ADAMTSL3: variants seen among roughly 807,000 people sequenced by gnomAD.
The protein encoded by ADAMTSL3 is ADAMTS like 3, also known as ADAMTS-like protein 3.
In ADAMTSL3, 128 loss-of-function variants were observed where a neutral mutation model predicts 201.7. That is an observed-to-expected ratio of 0.63 (90% CI 0.55 to 0.73). The LOEUF is 0.73. ADAMTSL3 is among the 30% of genes least tolerant of loss of function. The pLI, the probability that ADAMTSL3 is intolerant of heterozygous loss-of-function variation, is 0.00. For synonymous variants in ADAMTSL3, 738 were observed against 748.4 expected (o/e 0.99, Z 0.23); for missense variants, 1,990 against 2,119.6 (o/e 0.94, Z 1.20).
At chr15:83,956,027 A>G (rs955736379) in intron 19 of ADAMTSL3, among the ~76,000 whole-genome samples, 1 of 152,056 alleles carries the variant, frequency 6.6e-6, no homozygotes, top group Non-Finnish European at 1.5e-5. Flanking sequence ...CTGCCTTTCA[A>G]GTTCACTTAG....
At chr15:83,807,477 T>G (rs1019826808) in intron 5 of ADAMTSL3, among the ~76,000 whole-genome samples, 1 of 151,908 alleles carries the variant, frequency 6.6e-6, no homozygotes, top group African/African-American at 2.4e-5. Context: ...ATCAAAACAG[T>G]AATGAAATAA....
intron 3 of ADAMTSL3, among the ~76,000 whole-genome samples, chr15:83,761,169 AT>A (rs2062803088): frequency 6.6e-6 from 1 of 152,098 alleles, no homozygotes; most frequent in Non-Finnish European, 1.5e-5. Flanking sequence ...TAAAACATCT[AT>A]CCTTGACTTA....
chr15:83,723,337 A>G (rs2062127937), intron 3 of ADAMTSL3, among the ~76,000 whole-genome samples: 1 of 152,204 alleles, frequency 6.6e-6, no homozygotes, highest in African/African-American at 2.4e-5. Flanking sequence ...TCAAGTTTAT[A>G]TTGTGCTGTT....
At chr15:83,847,407 G>T (rs945495113) in intron 7 of ADAMTSL3, among the ~76,000 whole-genome samples, 1 of 151,638 alleles carries the variant, frequency 6.6e-6, no homozygotes, top group African/African-American at 2.4e-5. Context: ...TGCTCCTACA[G>T]AATGACAGAT....
intron 23 of ADAMTSL3, among the ~76,000 whole-genome samples, chr15:83,995,782 A>G (rs765593876): frequency 5.3e-4 from 81 of 152,164 alleles, no homozygotes; most frequent in African/African-American, 1.7e-4. Flanking sequence ...AACTGATCCT[A>G]TAATTAATAT....
chr15:83,917,250 C>G (rs1212362315), intron 16 of ADAMTSL3, among the ~76,000 whole-genome samples: 7 of 152,206 alleles, frequency 4.6e-5, no homozygotes, highest in Non-Finnish European at 8.8e-5. Context: ...ATTTTCTAAC[C>G]TATCTTCACA....
chr15:83,766,742 A>G (rs1429468730), intron 3 of ADAMTSL3, among the ~76,000 whole-genome samples: 2 of 152,214 alleles, frequency 1.3e-5, no homozygotes, highest in Non-Finnish European at 2.9e-5. Context: ...TAAGAAGAAA[A>G]TAACTTTTAT....
chr15:83,735,896 T>A (rs1365069891), intron 3 of ADAMTSL3, among the ~76,000 whole-genome samples: 1 of 152,078 alleles, frequency 6.6e-6, no homozygotes, highest in Non-Finnish European at 1.5e-5. Context: ...GCTACTTGAA[T>A]CTAATTACAT....
chr15:83,990,576 GACCTTCT>G (rs1567286656), intron 22 of ADAMTSL3, among the ~76,000 whole-genome samples: 2 of 152,054 alleles, frequency 1.3e-5, no homozygotes, highest in Non-Finnish European at 2.9e-5. Flanking sequence ...AATGGATCAG[GACCTTCT>G]GTCCTGTCTT....
At chr15:83,989,433 G>C (rs983360604) in intron 22 of ADAMTSL3, among the ~76,000 whole-genome samples, 8 of 152,216 alleles carry the variant, frequency 5.3e-5, no homozygotes, top group African/African-American at 1.9e-4. Context: ...GAAATAATGA[G>C]ATGGAGTTTA....
chr15:83,902,082 A>G (rs2065736083), intron 15 of ADAMTSL3, among the ~76,000 whole-genome samples: 1 of 152,134 alleles, frequency 6.6e-6, no homozygotes, highest in Non-Finnish European at 1.5e-5. Context: ...TGTGCCGACT[A>G]TATTTACTAA....
At chr15:83,989,687 T>C (rs1170907483) in intron 22 of ADAMTSL3, among the ~76,000 whole-genome samples, 2 of 152,208 alleles carry the variant, frequency 1.3e-5, no homozygotes, top group Non-Finnish European at 2.9e-5. Flanking sequence ...AGTACTGCCA[T>C]TGTCCAGCTC....
intron 13 of ADAMTSL3, among the ~76,000 whole-genome samples, chr15:83,895,100 G>A (rs2065585672): frequency 1.3e-5 from 2 of 152,156 alleles, no homozygotes; most frequent in Admixed American, 1.3e-4. Flanking sequence ...AGACCGGGAT[G>A]GAAGGATTTT....
At chr15:83,823,040 C>G (rs892060946) in intron 6 of ADAMTSL3, among the ~76,000 whole-genome samples, 1 of 151,828 alleles carries the variant, frequency 6.6e-6, no homozygotes, top group African/African-American at 2.4e-5. Context: ...CAAAAAAATA[C>G]GAAAACCAGT....
At chr15:83,751,108 A>G (rs2062630378) in intron 3 of ADAMTSL3, among the ~76,000 whole-genome samples, 1 of 152,192 alleles carries the variant, frequency 6.6e-6, no homozygotes, top group Non-Finnish European at 1.5e-5. Flanking sequence ...ACATTAATCC[A>G]TTAGTCACAT....
At chr15:83,967,235 A>T (rs1459520650) in intron 19 of ADAMTSL3, among the ~76,000 whole-genome samples, 1 of 152,230 alleles carries the variant, frequency 6.6e-6, no homozygotes, top group Admixed American at 6.5e-5. Context: ...GAGGAAGTCA[A>T]ATTGTCTCTG....
At chr15:84,025,938 G>A (rs1030821724) in intron 27 of ADAMTSL3, among the ~76,000 whole-genome samples, 21 of 152,238 alleles carry the variant, frequency 1.4e-4, no homozygotes, top group East Asian at 7.7e-4. Flanking sequence ...TCAGTACTAC[G>A]AAGATGTCGA....
intron 2 of ADAMTSL3, among the ~76,000 whole-genome samples, chr15:83,701,404 A>G (rs902908097): frequency 6.6e-6 from 1 of 152,182 alleles, no homozygotes; most frequent in Non-Finnish European, 1.5e-5. Flanking sequence ...TCCCCTAAAG[A>G]GGGTGTCCTT....
At chr15:83,924,990 G>A (rs577333860) in intron 17 of ADAMTSL3, among the ~76,000 whole-genome samples, 7 of 152,256 alleles carry the variant, frequency 4.6e-5, no homozygotes, top group East Asian at 1.9e-4. Context: ...TCCTCCTGCC[G>A]TATTAGTCTA....
Sources: allele counts gnomAD v4.1 joint callset (sites outside exome capture counted in the v4.1 genomes callset), GRCh38; gene constraint gnomAD v4.1.1; transcripts MANE v1.5; gene names NCBI Gene and HGNC (gene_info 2026-07-23, HGNC 2026-07-21).